CACNA2D1: variants seen among roughly 807,000 people sequenced by gnomAD.
CACNA2D1 encodes the protein calcium voltage-gated channel auxiliary subunit alpha2delta 1.
CACNA2D1 carries 53 observed loss-of-function variants against 171.5 expected under a neutral mutation model. That is an observed-to-expected ratio of 0.31 (90% CI 0.25 to 0.39). The LOEUF is 0.39. CACNA2D1 is among the 10% of genes least tolerant of loss of function. The probability of loss-of-function intolerance (pLI) is 1.00; values close to 1 mark genes in which losing one functional copy is unlikely to be tolerated. For synonymous variants in CACNA2D1, 442 were observed against 443.1 expected (o/e 1.00, Z 0.03); for missense variants, 903 against 1,299.8 (o/e 0.69, Z 4.69).
intron 1 of CACNA2D1, among the ~76,000 whole-genome samples, chr7:82,417,375 C>G (rs1828284151): frequency 1.3e-5 from 2 of 152,286 alleles, no homozygotes; most frequent in Admixed American, 1.3e-4. Context: ...CCTGCTTTAC[C>G]AAGCACTAAA....
chr7:82,272,014 T>TA (rs143871367), intron 3 of CACNA2D1, among the ~76,000 whole-genome samples: 3,532 of 151,590 alleles, frequency 0.023, 70 homozygotes, highest in Non-Finnish European at 0.035. Context: ...TAAACATTAC[T>TA]AAAAAAAAGG....
intron 29 of CACNA2D1, 56 bp downstream of exon 29, chr7:81,968,831 A>G: frequency 3.1e-6 from 3 of 970,448 alleles, no homozygotes; most frequent in Non-Finnish European, 5.0e-6. Context: ...TTATAATATA[A>G]ATGCCAAGTA....
chr7:82,003,624 T>A (rs1396247304), intron 18 of CACNA2D1, among the ~76,000 whole-genome samples: 2 of 150,174 alleles, frequency 1.3e-5, no homozygotes, highest in Admixed American at 6.7e-5. Context: ...TATATATATA[T>A]AAATCATATA....
chr7:82,325,720 G>C (rs1024134579), intron 3 of CACNA2D1, among the ~76,000 whole-genome samples: 5 of 152,162 alleles, frequency 3.3e-5, no homozygotes, highest in African/African-American at 1.2e-4. Context: ...ATGAGTTAAT[G>C]TTGTAAGCTT....
At chr7:82,103,258 T>C (rs1812903843) in intron 6 of CACNA2D1, among the ~76,000 whole-genome samples, 1 of 152,052 alleles carries the variant, frequency 6.6e-6, no homozygotes. Flanking sequence ...AGTGAGCTAC[T>C]GCACTCCAGC....
At chr7:81,986,914 A>G (rs1261869896) in intron 21 of CACNA2D1, among the ~76,000 whole-genome samples, 1 of 152,150 alleles carries the variant, frequency 6.6e-6, no homozygotes, top group Non-Finnish European at 1.5e-5. Context: ...ATTCTTCTCA[A>G]GGGAAATTAG....
At chr7:82,173,597 T>G (rs1293521846) in intron 3 of CACNA2D1, among the ~76,000 whole-genome samples, 3 of 150,602 alleles carry the variant, frequency 2.0e-5, no homozygotes, top group Non-Finnish European at 4.4e-5. Context: ...CAACAGTCAC[T>G]GGGTGGTGCT....
At chr7:82,139,219 T>G (rs1009238192) in intron 4 of CACNA2D1, among the ~76,000 whole-genome samples, 1 of 152,170 alleles carries the variant, frequency 6.6e-6, no homozygotes, top group Non-Finnish European at 1.5e-5. Flanking sequence ...GGTACTAGAA[T>G]TAATGATTAG....
At chr7:82,182,885 A>C (rs551900319) in intron 3 of CACNA2D1, among the ~76,000 whole-genome samples, 1 of 152,114 alleles carries the variant, frequency 6.6e-6, no homozygotes, top group Non-Finnish European at 1.5e-5. Flanking sequence ...AAAATACAGA[A>C]AATTAGCCGG....
At chr7:82,005,549 A>C (rs1799035349) in intron 17 of CACNA2D1, 52 bp from the exon 18 acceptor site, 12 of 1,178,766 alleles carry the variant, frequency 1.0e-5, no homozygotes, top group Non-Finnish European at 1.4e-5. Flanking sequence ...CACAATTAGA[A>C]ATCTATATTC....
At chr7:82,033,198 A>G (rs916455314) in intron 11 of CACNA2D1, 2 of 227,508 alleles carry the variant, frequency 8.8e-6, no homozygotes, top group African/African-American at 4.5e-5. Context: ...TCCCTCCAAG[A>G]TAGTATGTTT....
intron 6 of CACNA2D1, among the ~76,000 whole-genome samples, chr7:82,085,490 C>T (rs566024331): frequency 5.0e-4 from 74 of 149,280 alleles, no homozygotes; most frequent in Non-Finnish European, 6.8e-4. Flanking sequence ...TGACTCTCTG[C>T]GGCAGAGCAA....
chr7:82,403,029 G>C (rs557143093), intron 1 of CACNA2D1, among the ~76,000 whole-genome samples: 69 of 152,212 alleles, frequency 4.5e-4, no homozygotes, highest in African/African-American at 1.6e-3. Context: ...ACTAAATTTG[G>C]GTGGAAGGGG....
chr7:82,150,539 TG>T (rs1563123700), intron 4 of CACNA2D1, among the ~76,000 whole-genome samples: 1 of 152,012 alleles, frequency 6.6e-6, no homozygotes, highest in African/African-American at 2.4e-5. Flanking sequence ...CAAGTTAAGG[TG>T]TATTCATTTA....
intron 1 of CACNA2D1, among the ~76,000 whole-genome samples, chr7:82,371,711 A>T (rs1356208353): frequency 1.3e-5 from 2 of 152,116 alleles, no homozygotes; most frequent in African/African-American, 2.4e-5. Flanking sequence ...AGTAGCTGGG[A>T]CTATAGGCGC....
intron 3 of CACNA2D1, among the ~76,000 whole-genome samples, chr7:82,326,960 A>G (rs535789968): frequency 1.3e-5 from 2 of 152,332 alleles, no homozygotes; most frequent in East Asian, 3.9e-4. Context: ...AGTTTGTGCA[A>G]AAGTAATTGC....
intron 4 of CACNA2D1, among the ~76,000 whole-genome samples, chr7:82,164,848 A>T (rs765760472): frequency 6.6e-6 from 1 of 151,978 alleles, no homozygotes; most frequent in Non-Finnish European, 1.5e-5. Flanking sequence ...GCAGTTCAGA[A>T]ATACAGTACA....
intron 3 of CACNA2D1, among the ~76,000 whole-genome samples, chr7:82,222,578 G>A (rs1421268311): frequency 2.0e-5 from 3 of 152,136 alleles, no homozygotes; most frequent in Non-Finnish European, 2.9e-5. Context: ...GAGCTATCAC[G>A]AATGCTTTCT....
intron 6 of CACNA2D1, 24 bp downstream of exon 6, chr7:82,117,020 A>G: frequency 6.2e-7 from 1 of 1,612,658 alleles, no homozygotes; most frequent in Non-Finnish European, 8.5e-7. Context: ...GTATTCCAAC[A>G]GATGTTAACA....
Sources: gnomAD v4.1 joint callset for allele counts (sites outside exome capture counted in the v4.1 genomes callset) on GRCh38, gnomAD v4.1.1 for gene constraint, MANE v1.5 for transcripts, NCBI Gene and HGNC (gene_info 2026-07-23, HGNC 2026-07-21) for gene names.